The following FAF1 variants were observed in gnomAD, a reference collection of about 807,000 sequenced individuals.
FAF1 encodes the protein FAS-associated factor 1.
Under a neutral mutation model 92.5 loss-of-function variants are expected in FAF1, and 25 were observed. The ratio of observed to expected loss-of-function variants is 0.27; its 90% CI spans 0.20 to 0.38. The LOEUF (loss-of-function observed/expected upper bound fraction) is 0.38. Ranked by LOEUF, FAF1 falls within the 10% of genes least tolerant of loss-of-function variation. The pLI is 1.00. For missense variants in FAF1, 636 were observed against 793.3 expected (o/e 0.80, Z 2.38); for synonymous variants, 234 against 273.2 (o/e 0.86, Z 1.42).
intron 9 of FAF1, among the ~76,000 whole-genome samples, chr1:50,589,333 A>C (rs1304168750): frequency 6.6e-6 from 1 of 152,014 alleles, no homozygotes; most frequent in Non-Finnish European, 1.5e-5. Flanking sequence ...TAGGCACCTG[A>C]AAAATACGAA....
chr1:50,597,387 A>C (rs1259674530), intron 8 of FAF1, among the ~76,000 whole-genome samples: 2 of 152,122 alleles, frequency 1.3e-5, no homozygotes, highest in Admixed American at 1.3e-4. Context: ...TTTAGTCTTT[A>C]CAATGTCAAC....
At chr1:50,836,170 G>GTTTTTTTTTTTGT (rs1644200946) in intron 2 of FAF1, among the ~76,000 whole-genome samples, 6 of 98,526 alleles carry the variant, frequency 6.1e-5, no homozygotes, top group African/African-American at 2.6e-4. Flanking sequence ...TTTTGTTTCT[G>GTTTTTTTTTTTGT]TTTTTTTTTT....
intron 8 of FAF1, among the ~76,000 whole-genome samples, chr1:50,602,378 G>A (rs774798446): frequency 6.6e-6 from 1 of 151,972 alleles, no homozygotes; most frequent in Non-Finnish European, 1.5e-5. Context: ...CTGTGTATTT[G>A]TATGTCAAGA....
chr1:50,763,531 T>C (rs905500919), intron 4 of FAF1, among the ~76,000 whole-genome samples: 1 of 152,294 alleles, frequency 6.6e-6, no homozygotes, highest in Admixed American at 6.5e-5. Flanking sequence ...TTAGGGGCTC[T>C]AATCAGACAT....
chr1:50,896,731 G>C (rs895966829), intron 1 of FAF1, among the ~76,000 whole-genome samples: 6 of 152,276 alleles, frequency 3.9e-5, no homozygotes, highest in African/African-American at 1.4e-4. Flanking sequence ...AGTACCTAAA[G>C]TAGTAAAACT....
At chr1:50,779,723 C>G (rs1661093082) in intron 4 of FAF1, among the ~76,000 whole-genome samples, 1 of 151,610 alleles carries the variant, frequency 6.6e-6, no homozygotes, top group Non-Finnish European at 1.5e-5. Flanking sequence ...AGATTGTTAC[C>G]AGCTTAAAAT....
intron 2 of FAF1, among the ~76,000 whole-genome samples, chr1:50,850,238 A>G (rs1644336994): frequency 6.6e-6 from 1 of 152,192 alleles, no homozygotes; most frequent in Non-Finnish European, 1.5e-5. Flanking sequence ...GTCTGAGAAT[A>G]TAGGCTAACT....
chr1:50,821,235 T>C (rs1400955003), intron 2 of FAF1, among the ~76,000 whole-genome samples: 1 of 152,210 alleles, frequency 6.6e-6, no homozygotes, highest in Non-Finnish European at 1.5e-5. Context: ...GTGTGTTATA[T>C]GCCAGTGGAG....
chr1:50,458,307 A>C (rs542638007), intron 18 of FAF1, among the ~76,000 whole-genome samples: 2 of 152,324 alleles, frequency 1.3e-5, no homozygotes, highest in African/African-American at 2.4e-5. Flanking sequence ...AGTATGGGGA[A>C]AGGACCTGGG....
chr1:50,726,478 C>T (rs1227256336), intron 6 of FAF1, among the ~76,000 whole-genome samples: 1 of 152,054 alleles, frequency 6.6e-6, no homozygotes, highest in East Asian at 1.9e-4. Flanking sequence ...GGACAGATCA[C>T]GAGGTCAGGA....
chr1:50,599,609 A>G (rs1228511616), intron 8 of FAF1, among the ~76,000 whole-genome samples: 1 of 152,206 alleles, frequency 6.6e-6, no homozygotes, highest in Non-Finnish European at 1.5e-5. Flanking sequence ...TTATTAAGTA[A>G]ATTTTGACTC....
At chr1:50,837,120 G>A (rs1301193725) in intron 2 of FAF1, among the ~76,000 whole-genome samples, 4 of 151,850 alleles carry the variant, frequency 2.6e-5, no homozygotes, top group Non-Finnish European at 5.9e-5. Context: ...ACCATGCCCA[G>A]CTAATTTTTT....
rs753482946 is a variant in FAF1 at position 50,519,094 on chromosome 1, G to A, written c.1494+16275C>T. Among the ~76,000 whole-genome samples, 245 of 152,172 alleles carry A rather than the reference G, an allele frequency of 1.6e-3. 1 individual carries two copies. The highest frequency in any genetic ancestry group is 1.0e-3 in the Non-Finnish European group (69 of 68,008). On this transcript the variant is annotated intron_variant, in intron 15 of 18. Coordinates refer to ENST00000396153, the MANE Select transcript of FAF1 (RefSeq NM_007051.3). ...CGCCTGCAATTCTAGCACTTTGGGA[G>A]GCCGAGGTGCGAGAATCACGAGGTC...
intron 1 of FAF1, among the ~76,000 whole-genome samples, chr1:50,879,287 T>TGAATGAA (rs1557571642): frequency 3.0e-5 from 4 of 133,174 alleles, no homozygotes; most frequent in Admixed American, 1.5e-4. Context: ...AATGAATGAA[T>TGAATGAA]CAGATTAATG....
intron 8 of FAF1, among the ~76,000 whole-genome samples, chr1:50,636,952 T>C (rs1654043164): frequency 6.6e-6 from 1 of 152,096 alleles, no homozygotes; most frequent in Non-Finnish European, 1.5e-5. Context: ...GAACAAACTG[T>C]CTCCACCGCA....
intron 1 of FAF1, among the ~76,000 whole-genome samples, chr1:50,929,567 T>C (rs958257739): frequency 1.3e-5 from 2 of 152,350 alleles, no homozygotes; most frequent in South Asian, 4.1e-4. Flanking sequence ...TTATCTTTTC[T>C]ATCCACAAGA....
chr1:50,621,692 ACCTGGC>A (rs1653217168), intron 8 of FAF1, among the ~76,000 whole-genome samples: 1 of 151,556 alleles, frequency 6.6e-6, no homozygotes, highest in Admixed American at 6.6e-5. Flanking sequence ...GAGGCACTGC[ACCTGGC>A]CCAGCCCCGA....
At chr1:50,871,769 C>G (rs981774820) in intron 1 of FAF1, among the ~76,000 whole-genome samples, 4 of 152,086 alleles carry the variant, frequency 2.6e-5, no homozygotes, top group Non-Finnish European at 4.4e-5. Flanking sequence ...AACACAACAT[C>G]GATTCTGTAG....
chr1:50,576,973 C>T (rs973956075), intron 12 of FAF1, among the ~76,000 whole-genome samples: 1 of 151,768 alleles, frequency 6.6e-6, no homozygotes, highest in African/African-American at 2.4e-5. Flanking sequence ...AGCCTAAAAA[C>T]AGATTTTAAA....
Sources: allele counts gnomAD v4.1 joint callset (sites outside exome capture counted in the v4.1 genomes callset), GRCh38; gene constraint gnomAD v4.1.1; transcripts MANE v1.5; gene names NCBI Gene and HGNC (gene_info 2026-07-23, HGNC 2026-07-21).